MCTP1: variants seen among roughly 807,000 people sequenced by gnomAD.
MCTP1 encodes multiple C2 and transmembrane domain-containing protein 1.
MCTP1 carries 69 observed loss-of-function variants against 120.6 expected under a neutral mutation model. The ratio of observed to expected loss-of-function variants is 0.57; its 90% CI spans 0.47 to 0.70. MCTP1 has a LOEUF of 0.70. Among genes scored for constraint, MCTP1 ranks in the 30% least tolerant of loss-of-function variants. The probability of loss-of-function intolerance (pLI) is 0.00; values close to 1 mark genes in which losing one functional copy is unlikely to be tolerated. For missense variants in MCTP1, 1,203 were observed against 1,248.8 expected (o/e 0.96, Z 0.55); for synonymous variants, 529 against 493.1 (o/e 1.07, Z -0.96).
intron 2 of MCTP1, among the ~76,000 whole-genome samples, chr5:94,954,159 CAT>C (rs1207025588): frequency 1.3e-5 from 1 of 78,292 alleles, no homozygotes; most frequent in African/African-American, 5.6e-5. Flanking sequence ...TATATATATG[CAT>C]ATATATACAT....
At chr5:94,849,342 C>A (rs1793163173) in intron 17 of MCTP1, among the ~76,000 whole-genome samples, 1 of 152,062 alleles carries the variant, frequency 6.6e-6, no homozygotes, top group Admixed American at 6.6e-5. Context: ...AAAACAGATA[C>A]TTTATTCTGG....
At chr5:95,034,782 C>T (rs1326108698) in intron 1 of MCTP1, among the ~76,000 whole-genome samples, 1 of 152,032 alleles carries the variant, frequency 6.6e-6, no homozygotes, top group Non-Finnish European at 1.5e-5. Flanking sequence ...AGTAGACAGA[C>T]AACCTATGGA....
chr5:94,997,012 A>G (rs912063992), intron 2 of MCTP1, among the ~76,000 whole-genome samples: 5 of 152,150 alleles, frequency 3.3e-5, no homozygotes, highest in Admixed American at 6.6e-5. Flanking sequence ...TATGGCTAAG[A>G]TAAGACTCTC....
At chr5:94,899,503 T>A (rs1325292423) in intron 10 of MCTP1, among the ~76,000 whole-genome samples, 1 of 152,200 alleles carries the variant, frequency 6.6e-6, no homozygotes, top group Non-Finnish European at 1.5e-5. Flanking sequence ...CATATACTTT[T>A]GAGTTTCTGG....
intron 2 of MCTP1, among the ~76,000 whole-genome samples, chr5:94,992,743 C>G (rs1175107074): frequency 6.6e-6 from 1 of 152,154 alleles, no homozygotes; most frequent in Admixed American, 6.5e-5. Flanking sequence ...CCAGAGGTCC[C>G]AGAGGCCCTC....
intron 1 of MCTP1, among the ~76,000 whole-genome samples, chr5:95,241,807 A>G (rs1464687256): frequency 1.3e-5 from 2 of 152,338 alleles, no homozygotes; most frequent in East Asian, 3.9e-4. Context: ...CCTACATGCT[A>G]CTGTATAGAA....
At chr5:95,086,274 T>G (rs1165962157) in intron 1 of MCTP1, among the ~76,000 whole-genome samples, 1 of 152,124 alleles carries the variant, frequency 6.6e-6, no homozygotes, top group Non-Finnish European at 1.5e-5. Flanking sequence ...TATTAGAGGT[T>G]TCAAACATGA....
chr5:95,206,538 T>C (rs1751638229), intron 1 of MCTP1, among the ~76,000 whole-genome samples: 1 of 152,120 alleles, frequency 6.6e-6, no homozygotes, highest in South Asian at 2.1e-4. Context: ...ATTTTATAGA[T>C]TTTGTTTGTT....
chr5:95,111,863 T>C (rs1055395812), intron 1 of MCTP1, among the ~76,000 whole-genome samples: 3 of 152,154 alleles, frequency 2.0e-5, no homozygotes, highest in South Asian at 2.1e-4. Flanking sequence ...GTAATGTCTC[T>C]CCCTTTATCT....
intron 19 of MCTP1, among the ~76,000 whole-genome samples, chr5:94,737,081 T>C (rs901110067): frequency 1.3e-5 from 2 of 152,168 alleles, no homozygotes; most frequent in African/African-American, 4.8e-5. Context: ...CCTGACCTCC[T>C]GGGCTGAAGC....
rs191658992 is a variant in MCTP1, at chr5:94,922,549, C to T, written c.1272+1413G>A. Among the ~76,000 whole-genome samples, 459 of 151,662 alleles carry T rather than the reference C, an allele frequency of 3.0e-3. 2 individuals carry two copies. The highest frequency in any genetic ancestry group is 0.01 in the African/African-American group (424 of 41,366). Reference sequence around the variant, plus strand: ...TTTTGCCCAGGCTGGTGTGCAATGGCGCAATCGCAGCCCACTACAACCTCC... The same window carrying T: ...TTTTGCCCAGGCTGGTGTGCAATGGTGCAATCGCAGCCCACTACAACCTCC... On this transcript the variant is annotated intron_variant, in intron 7 of 22. Coordinates refer to ENST00000515393, the MANE Select transcript of MCTP1 (RefSeq NM_024717.7).
At chr5:95,172,600 T>TC (rs934561353) in intron 1 of MCTP1, among the ~76,000 whole-genome samples, 2 of 151,966 alleles carry the variant, frequency 1.3e-5, no homozygotes, top group Non-Finnish European at 2.9e-5. Context: ...ATTTTTTTTT[T>TC]GGTGCCTGTA....
Position 95,231,351 on chromosome 5 carries a change from T to C in MCTP1, c.720+52505A>G, listed in dbSNP as rs543721919. 6.8e-4 allele frequency among the ~76,000 whole-genome samples: 104 copies of C among 152,182 alleles called. 1 individual carries two copies. The highest frequency in any genetic ancestry group is 1.4e-3 in the Admixed American group (22 of 15,290). On this transcript the variant is annotated intron_variant, in intron 1 of 22. Transcript: ENST00000515393. ...TGATGGATAAGGATATATATATATATACACATATATAGACTTTTGCTTCTC... is the reference window on the plus strand; with the variant it reads ...TGATGGATAAGGATATATATATATACACACATATATAGACTTTTGCTTCTC...
intron 2 of MCTP1, among the ~76,000 whole-genome samples, chr5:94,957,863 A>G (rs201497384): frequency 0.018 from 2,020 of 111,158 alleles, no homozygotes; most frequent in Admixed American, 0.019. Flanking sequence ...CAGATCAACA[A>G]GACAGAAAAT....
At chr5:95,033,053 T>C (rs1216830105) in intron 1 of MCTP1, among the ~76,000 whole-genome samples, 7 of 152,024 alleles carry the variant, frequency 4.6e-5, no homozygotes, top group Non-Finnish European at 8.8e-5. Context: ...ACCAGGAAGA[T>C]ATTGAAATCC....
chr5:94,751,213 G>A (rs1380331053), intron 19 of MCTP1, among the ~76,000 whole-genome samples: 1 of 152,002 alleles, frequency 6.6e-6, no homozygotes, highest in Non-Finnish European at 1.5e-5. Context: ...TTCTCCTTTA[G>A]TAATAGAAAA....
At chr5:94,786,670 A>G (rs1179122124) in intron 18 of MCTP1, among the ~76,000 whole-genome samples, 2 of 152,162 alleles carry the variant, frequency 1.3e-5, no homozygotes, top group African/African-American at 4.8e-5. Context: ...TATGTAGTGT[A>G]CTGTGTGATT....
chr5:95,117,014 A>T (rs558171375), intron 1 of MCTP1, among the ~76,000 whole-genome samples: 32 of 152,190 alleles, frequency 2.1e-4, no homozygotes, highest in Non-Finnish European at 4.3e-4. Context: ...TAATATTCAG[A>T]TTCTATAAGA....
Position 95,068,738 on chromosome 5 carries a change from A to G in MCTP1, c.721-51254T>C, listed in dbSNP as rs571528032. On this transcript the variant is annotated intron_variant, in intron 1 of 22. Coordinates refer to ENST00000515393, the MANE Select transcript of MCTP1 (RefSeq NM_024717.7). ...AAATAAAGCTTTTATGCCTAATTAA[A>G]CACCGAGCTAACACACTTTGTCAGT... 40 of 1,174,314 alleles carry G rather than the reference A, an allele frequency of 3.4e-5. 1 individual carries two copies. In the South Asian group the frequency reaches 5.0e-4, roughly 15 times the overall value. 72.7% of individuals were successfully genotyped at this position (1,174,314 alleles called of 1,614,324 possible). A position where few individuals can be genotyped will look rare whatever the true frequency, so the allele number is the denominator to read the frequency against.
Sources: gnomAD v4.1 joint callset for allele counts (sites outside exome capture counted in the v4.1 genomes callset) on GRCh38, gnomAD v4.1.1 for gene constraint, MANE v1.5 for transcripts, NCBI Gene and HGNC (gene_info 2026-07-23, HGNC 2026-07-21) for gene names.